CFAP46: variants seen among roughly 807,000 people sequenced by gnomAD.
CFAP46 encodes cilia and flagella associated protein 46.
Under a neutral mutation model 325.7 loss-of-function variants are expected in CFAP46, and 245 were observed. That is an observed-to-expected ratio of 0.75 (90% confidence interval 0.68 to 0.84). The LOEUF is 0.84. Ranked by LOEUF, CFAP46 falls within the 40% of genes least tolerant of loss-of-function variation. The pLI is 0.00. For synonymous variants in CFAP46, 1,523 were observed against 1,495.9 expected (o/e 1.02, Z -0.42); for missense variants, 3,346 against 3,543.0 (o/e 0.94, Z 1.41).
At chr10:132,912,210 CTCTCCTCTCTCT>C (rs1226770398) in intron 19 of CFAP46, among the ~76,000 whole-genome samples, 4 of 101,604 alleles carry the variant, frequency 3.9e-5, no homozygotes, top group Admixed American at 1.2e-4. Flanking sequence ...TCTCTCTTCC[CTCTCCTCTCTCT>C]TCTCCTCTCT....
intron 29 of CFAP46, 53 bp downstream of exon 29, chr10:132,879,373 C>CG (rs1849004045): frequency 1.3e-5 from 19 of 1,430,476 alleles, no homozygotes; most frequent in Middle Eastern, 2.3e-4. Flanking sequence ...CCCCAGCCCG[C>CG]GGCCCGTCCC....
rs752604360 is a variant in CFAP46, at chr10:132,937,686, G to A, written c.537-11C>T. On this transcript the variant is annotated splice_polypyrimidine_tract_variant and intron_variant, in intron 5 of 57. Coordinates refer to ENST00000368586, the MANE Select transcript of CFAP46 (RefSeq NM_001200049.3). ...CACTCCAGAAGTTCCCTGGATAATAGAAACACACCACTGGTCAACCTGGTT... is the reference window on the plus strand; with the variant it reads ...CACTCCAGAAGTTCCCTGGATAATAAAAACACACCACTGGTCAACCTGGTT... 1.4e-5 allele frequency: 23 copies of A among 1,596,440 alleles called. No individual in the cohort carries two copies. The South Asian group carries it at 2.2e-4, about 15-fold the overall frequency.
chr10:132,872,882 T>G, intron 31 of CFAP46, 58 bp from the exon 32 acceptor site: 2 of 1,539,346 alleles, frequency 1.3e-6, no homozygotes, highest in Non-Finnish European at 1.8e-6. Context: ...ACCACAAGCA[T>G]AAGGGTCTTT....
rs892060195 is a variant in CFAP46 at position 132,832,778 on chromosome 10, C to T, written c.7117+580G>A. ...TCCCAGCCGAGGTCAGGGCCTTCCG[C>T]GCGCTCCCTCGTGCTTTTCACTGTC... On this transcript the variant is annotated intron_variant, in intron 50 of 57. Transcript: ENST00000368586. This position sits in a 1 kb window ranked among gnomAD's most constrained non-coding sequence, Gnocchi z 4.1. 13 of 471,276 alleles carry T rather than the reference C, an allele frequency of 2.8e-5. No homozygotes were observed. The highest frequency in any genetic ancestry group is 1.6e-4 in the Admixed American group (7 of 42,574). The allele number at this position is 471,276 out of a possible 1,614,324, so 29.2% of individuals were successfully genotyped here. A position where few individuals can be genotyped will look rare whatever the true frequency, so the allele number is the denominator to read the frequency against.
intron 25 of CFAP46, among the ~76,000 whole-genome samples, chr10:132,888,944 G>T (rs896072087): frequency 1.3e-5 from 2 of 151,614 alleles, no homozygotes; most frequent in African/African-American, 2.4e-5. Context: ...TGTGCTGCTT[G>T]CGGGTCTCTG....
In CFAP46 at chr10:132,876,488, C is replaced by T. The variant is rs144537532; in HGVS notation, c.4362+324G>A. ...ATTTGAGCCCAGGGACACTGATTTT[C>T]GGCTTCCGGCCTCCAGAACCATGAG... On this transcript the variant is annotated intron_variant, in intron 31 of 57. Transcript: ENST00000368586. This position sits in a 1 kb window ranked among gnomAD's most constrained non-coding sequence, Gnocchi z 4.1. 0.011 allele frequency among the ~76,000 whole-genome samples: 1,618 copies of T among 152,316 alleles called. 18 individuals are homozygous for T. The highest frequency in any genetic ancestry group is 0.043 in the South Asian group (208 of 4,820).
intron 29 of CFAP46, 41 bp from the exon 30 acceptor site, chr10:132,878,128 A>G (rs948813113): frequency 6.5e-7 from 1 of 1,536,246 alleles, no homozygotes; most frequent in African/African-American, 1.4e-5. Context: ...CTGAAAACCC[A>G]CCCACCGCCC....
At chr10:132,848,050 G>A (rs1015742016) in intron 41 of CFAP46, among the ~76,000 whole-genome samples, 2 of 151,960 alleles carry the variant, frequency 1.3e-5, no homozygotes, top group African/African-American at 4.8e-5. Flanking sequence ...AGCACACGCC[G>A]TTCAGACGTG....
At chr10:132,873,887 T>C (rs554948268) in intron 31 of CFAP46, among the ~76,000 whole-genome samples, 14 of 152,276 alleles carry the variant, frequency 9.2e-5, no homozygotes, top group African/African-American at 3.4e-4. Context: ...ATCCAAAATG[T>C]ATTTTCAATA....
At chr10:132,916,803 C>T in intron 16 of CFAP46, 121 bp from the exon 17 acceptor site, 2 of 1,354,274 alleles carry the variant, frequency 1.5e-6, no homozygotes, top group East Asian at 5.9e-5. Context: ...GGCTGTGAGA[C>T]CCGTTTGCTG....
chr10:132,838,627 C>T lies in CFAP46; in HGVS notation c.6439-1713G>A, dbSNP rs138355986. ...GGTAATGCCACAGCTGGGAATGCCA[C>T]AGCGTCTTCATCCGTTCTGTGGCCA... is the stretch of plus-strand genomic sequence containing the variant. On this transcript the variant is annotated intron_variant, in intron 44 of 57. Transcript: ENST00000368586. Among the ~76,000 whole-genome samples, 47 of 152,408 alleles carry T rather than the reference C, an allele frequency of 3.1e-4. 3 individuals carry two copies. The East Asian group carries it at 8.9e-3, about 29-fold the overall frequency.
chr10:132,814,031 T>C, intron 54 of CFAP46, 121 bp downstream of exon 54: 2 of 710,772 alleles, frequency 2.8e-6, no homozygotes, highest in South Asian at 1.6e-5. Context: ...CAGCATTGCA[T>C]GCTGTATGTG....
chr10:132,828,713 G>A lies in CFAP46; in HGVS notation c.7117+4645C>T, dbSNP rs1355347292. On this transcript the variant is annotated intron_variant, in intron 50 of 57. Coordinates refer to ENST00000368586, the MANE Select transcript of CFAP46 (RefSeq NM_001200049.3). The surrounding 1 kb of genome is among the most constrained non-coding windows in gnomAD (Gnocchi z 4.9). ...TTCTTCAGTGCTTTCTGCTAGAAATGTGAGGGTCTTTGGTCTCGGATCCAT... is the reference window on the plus strand; with the variant it reads ...TTCTTCAGTGCTTTCTGCTAGAAATATGAGGGTCTTTGGTCTCGGATCCAT... Among the ~76,000 whole-genome samples the A allele has an allele frequency of 6.6e-6, 1 of 152,168 alleles. No individual in the cohort carries two copies. Among genetic ancestry groups the A allele is most frequent in the Non-Finnish European group, 1.5e-5 (1 of 68,036 alleles).
rs114437928 is a variant in CFAP46, at chr10:132,910,740, C to A, written c.2500-672G>T. On this transcript the variant is annotated intron_variant, in intron 19 of 57. Transcript: ENST00000368586. ...TTGTGAACACCTGCTCCTTGCAAAA[C>A]GTCTTGGTAGCACAGACACCTACTG... Among the ~76,000 whole-genome samples, 667 of 152,340 alleles carry A rather than the reference C, an allele frequency of 4.4e-3. 2 individuals are homozygous for A. Among genetic ancestry groups the A allele is most frequent in the African/African-American group, 0.014 (594 of 41,570 alleles).
At chr10:132,879,726 GC>G in intron 28 of CFAP46, 95 bp from the exon 29 acceptor site, 1 of 1,277,834 alleles carries the variant, frequency 7.8e-7, no homozygotes, top group Non-Finnish European at 1.0e-6. Flanking sequence ...GTGGTGGACT[GC>G]CCGGTGCCTC....
intron 17 of CFAP46, among the ~76,000 whole-genome samples, chr10:132,914,931 C>T (rs1591088504): frequency 6.6e-6 from 1 of 152,272 alleles, no homozygotes; most frequent in African/African-American, 2.4e-5. Flanking sequence ...CTCTTCCTCC[C>T]CACCTGAATC....
intron 8 of CFAP46, among the ~76,000 whole-genome samples, chr10:132,930,592 C>T (rs1223233853): frequency 8.5e-5 from 10 of 117,548 alleles, no homozygotes; most frequent in Non-Finnish European, 1.8e-4. Flanking sequence ...AAAACCTGGG[C>T]CTCCCCACAC....
chr10:132,902,968 A>G (rs1461412739), intron 22 of CFAP46, among the ~76,000 whole-genome samples: 1 of 145,926 alleles, frequency 6.9e-6, no homozygotes, highest in East Asian at 2.0e-4. Flanking sequence ...CCCATTGCTA[A>G]GGTGTGTCTT....
At chr10:132,839,692 T>A (rs1476914268) in intron 44 of CFAP46, among the ~76,000 whole-genome samples, 7 of 152,236 alleles carry the variant, frequency 4.6e-5, no homozygotes, top group Admixed American at 4.6e-4. Context: ...GCTTCTATCT[T>A]AATTTTAAAA....
Sources: allele counts gnomAD v4.1 joint callset (sites outside exome capture counted in the v4.1 genomes callset), GRCh38; gene constraint gnomAD v4.1.1; non-coding constraint Gnocchi (gnomAD v3.1); transcripts MANE v1.5; gene names NCBI Gene and HGNC (gene_info 2026-07-23, HGNC 2026-07-21).